Variants in TTLL11 observed in about 807,000 individuals in gnomAD.
TTLL11 encodes tubulin tyrosine ligase like 11.
Under a neutral mutation model 51.7 loss-of-function variants are expected in TTLL11, and 42 were observed. The ratio of observed to expected loss-of-function variants is 0.81; its 90% CI spans 0.64 to 1.05. The LOEUF is 1.05. Among genes scored for constraint, TTLL11 ranks in the 50% least tolerant of loss-of-function variants. The pLI is 0.00. For missense variants in TTLL11, 799 were observed against 940.4 expected (o/e 0.85, Z 1.97); for synonymous variants, 381 against 383.5 (o/e 0.99, Z 0.08).
intron 3 of TTLL11, among the ~76,000 whole-genome samples, chr9:122,006,981 C>CA (rs71371911): frequency 0.061 from 2,621 of 43,316 alleles, 261 homozygotes; most frequent in Middle Eastern, 0.16. Flanking sequence ...GATACTCTGT[C>CA]AAAAAAAAAA....
intron 6 of TTLL11, among the ~76,000 whole-genome samples, chr9:121,906,898 C>T (rs1335711155): frequency 2.6e-5 from 4 of 151,980 alleles, no homozygotes; most frequent in Admixed American, 6.6e-5. Context: ...TCCTGGAGAC[C>T]ACCACCACAG....
At chr9:121,823,039 T>C (rs1029286212) in intron 8 of TTLL11, among the ~76,000 whole-genome samples, 160 bp from the exon 9 acceptor site, 4 of 152,158 alleles carry the variant, frequency 2.6e-5, no homozygotes, top group African/African-American at 9.7e-5. Flanking sequence ...ACTCACAGAG[T>C]GCCCACTGTG....
intron 6 of TTLL11, among the ~76,000 whole-genome samples, chr9:121,922,703 GT>G (rs1438300613): frequency 6.6e-6 from 1 of 151,998 alleles, no homozygotes; most frequent in South Asian, 2.1e-4. Context: ...AGCAGGCCCC[GT>G]AACCTAGTCA....
intron 6 of TTLL11, among the ~76,000 whole-genome samples, chr9:121,918,561 C>G (rs936969757): frequency 6.6e-6 from 1 of 152,112 alleles, no homozygotes. Flanking sequence ...GGATCTGGCT[C>G]CAGGGACTGC....
intron 6 of TTLL11, among the ~76,000 whole-genome samples, chr9:121,971,667 T>A (rs1462655333): frequency 7.0e-5 from 10 of 141,912 alleles, no homozygotes; most frequent in Middle Eastern, 3.6e-3. Flanking sequence ...ATCGGATGGT[T>A]GCCGTGTCTG....
chr9:122,028,934 G>A (rs1844436278), intron 3 of TTLL11, among the ~76,000 whole-genome samples: 1 of 152,174 alleles, frequency 6.6e-6, no homozygotes, highest in Non-Finnish European at 1.5e-5. Flanking sequence ...GGGCAGAGGA[G>A]AAATCCCAAG....
intron 6 of TTLL11, 50 bp from the exon 7 acceptor site, chr9:121,870,798 C>A: frequency 6.8e-7 from 1 of 1,474,816 alleles, no homozygotes. Context: ...TTCAGTTTCT[C>A]CTTTACTTGA....
chr9:122,000,375 G>A (rs1279024620), intron 3 of TTLL11, among the ~76,000 whole-genome samples: 1 of 151,168 alleles, frequency 6.6e-6, no homozygotes, highest in Non-Finnish European at 1.5e-5. Context: ...TGGAGGCTGA[G>A]GCAGGAGAAT....
rs186992467 is a variant in TTLL11, at chr9:121,929,352, A to G, written c.1481+44657T>C. 1.1e-3 allele frequency among the ~76,000 whole-genome samples: 164 copies of G among 152,104 alleles called. 1 individual carries two copies. Among genetic ancestry groups the G allele is most frequent in the African/African-American group, 3.9e-3 (160 of 41,472 alleles). On this transcript the variant is annotated intron_variant, in intron 6 of 8. Coordinates refer to ENST00000321582, the MANE Select transcript of TTLL11 (RefSeq NM_001139442.2). ...CTACTCAGGAGGCTGAGGCAGGAAAATCACTTGAACCCAGGAGGCAGAGGT... is the reference window on the plus strand; with the variant it reads ...CTACTCAGGAGGCTGAGGCAGGAAAGTCACTTGAACCCAGGAGGCAGAGGT...
chr9:121,903,907 A>G (rs1236837029), intron 6 of TTLL11, among the ~76,000 whole-genome samples: 1 of 152,186 alleles, frequency 6.6e-6, no homozygotes, highest in East Asian at 1.9e-4. Context: ...ATGGAGTGAC[A>G]TTTATCTTGT....
intron 1 of TTLL11, among the ~76,000 whole-genome samples, chr9:122,090,507 T>TAAATAACTC (rs756971656): frequency 6.6e-6 from 1 of 152,182 alleles, no homozygotes; most frequent in Non-Finnish European, 1.5e-5. Context: ...TCCATGACCC[T>TAAATAACTC]AAATAACTCC....
At chr9:121,880,371 C>T (rs1029097481) in intron 6 of TTLL11, among the ~76,000 whole-genome samples, 1 of 152,156 alleles carries the variant, frequency 6.6e-6, no homozygotes, top group African/African-American at 2.4e-5. Flanking sequence ...TATAAATGAT[C>T]CACTAGAAAA....
intron 8 of TTLL11, among the ~76,000 whole-genome samples, chr9:121,856,599 T>A (rs1837827773): frequency 6.6e-6 from 1 of 152,172 alleles, no homozygotes. Flanking sequence ...TTTATATCCC[T>A]GCAGGGCACA....
chr9:121,928,864 A>G (rs542473348), intron 6 of TTLL11, among the ~76,000 whole-genome samples: 47 of 151,718 alleles, frequency 3.1e-4, no homozygotes, highest in African/African-American at 1.1e-3. Flanking sequence ...GAGCTACCAC[A>G]CCCCCTTTGA....
chr9:122,041,047 A>T (rs1844833277), intron 1 of TTLL11, among the ~76,000 whole-genome samples: 1 of 151,638 alleles, frequency 6.6e-6, no homozygotes, highest in Non-Finnish European at 1.5e-5. Context: ...TCAGTGGGCA[A>T]CCCAATGACT....
At chr9:121,866,373 A>C (rs148974595) in intron 7 of TTLL11, among the ~76,000 whole-genome samples, 1 of 152,246 alleles carries the variant, frequency 6.6e-6, no homozygotes, top group African/African-American at 2.4e-5. Flanking sequence ...GAAAAAGAAA[A>C]ATCCGGCCGG....
Position 121,964,800 on chromosome 9 carries a change from C to T in TTLL11, c.1481+9209G>A, listed in dbSNP as rs183433157. ...ATTTTCATATTTCAAATCCTACTCA[C>T]GCTTTAAACCTCAGGTCAAGTGCCA... On this transcript the variant is annotated intron_variant, in intron 6 of 8. Transcript: ENST00000321582. Among the ~76,000 whole-genome samples the T allele has an allele frequency of 1.2e-3, 190 of 152,250 alleles. 2 individuals are homozygous for T. Among genetic ancestry groups the T allele is most frequent in the African/African-American group, 4.2e-3 (176 of 41,526 alleles).
chr9:121,844,948 T>A (rs1265866482), intron 8 of TTLL11, among the ~76,000 whole-genome samples: 1 of 152,102 alleles, frequency 6.6e-6, no homozygotes, highest in Non-Finnish European at 1.5e-5. Flanking sequence ...AGAAGATAGA[T>A]TTGAAGCCGT....
chr9:121,976,484 A>G lies in TTLL11; in HGVS notation c.1270-1505T>C, dbSNP rs149747273. Among the ~76,000 whole-genome samples, 9 of 152,326 alleles carry G rather than the reference A, an allele frequency of 5.9e-5. 1 individual carries two copies. Among genetic ancestry groups the G allele is most frequent in the African/African-American group, 2.2e-4 (9 of 41,566 alleles). On this transcript the variant is annotated intron_variant, in intron 4 of 8. Transcript: ENST00000321582. ...GAAGTGATAATGCAGAAAATTTCTAACATAATTAATAGAACCCCAAAGTCT... is the reference window on the plus strand; with the variant it reads ...GAAGTGATAATGCAGAAAATTTCTAGCATAATTAATAGAACCCCAAAGTCT...
Sources: gnomAD v4.1 joint callset for allele counts (sites outside exome capture counted in the v4.1 genomes callset) on GRCh38, gnomAD v4.1.1 for gene constraint, MANE v1.5 for transcripts, NCBI Gene and HGNC (gene_info 2026-07-23, HGNC 2026-07-21) for gene names.